ESRRG: variants seen among roughly 807,000 people sequenced by gnomAD.
ESRRG encodes the protein estrogen related receptor gamma.
In ESRRG, 13 loss-of-function variants were observed where a neutral mutation model predicts 44.0. The ratio of observed to expected loss-of-function variants is 0.30; its 90% CI spans 0.19 to 0.47. The LOEUF (loss-of-function observed/expected upper bound fraction) is 0.47, where lower values mean the gene tolerates loss of function less well. Among genes scored for constraint, ESRRG ranks in the 20% least tolerant of loss-of-function variants. ESRRG has a pLI of 1.00. For missense variants in ESRRG, 395 were observed against 580.6 expected (o/e 0.68, Z 3.29); for synonymous variants, 215 against 214.6 (o/e 1.00, Z -0.02).
chr1:216,913,097 G>A (rs535279429), intron 2 of ESRRG, among the ~76,000 whole-genome samples: 61 of 132,172 alleles, frequency 4.6e-4, no homozygotes, highest in African/African-American at 1.7e-3. Flanking sequence ...GCACTCCAGA[G>A]CGAGACTCTG....
chr1:217,083,333 C>T (rs1032987636), intron 1 of ESRRG, among the ~76,000 whole-genome samples: 15 of 152,132 alleles, frequency 9.9e-5, no homozygotes, highest in Non-Finnish European at 1.3e-4. Context: ...ATTTACTACT[C>T]GGTATACTAA....
chr1:216,810,505 T>A (rs988017858), intron 2 of ESRRG, among the ~76,000 whole-genome samples: 2 of 150,516 alleles, frequency 1.3e-5, no homozygotes, highest in Non-Finnish European at 3.0e-5. Context: ...TCAAAATATA[T>A]CTGATAAAAA....
At chr1:216,727,850 C>T (rs2087867355), upstream of ESRRG, among the ~76,000 whole-genome samples, 1 of 152,002 alleles carries the variant, frequency 6.6e-6, no homozygotes, top group African/African-American at 2.4e-5. Flanking sequence ...AACTGTCTCA[C>T]CGACATAACA....
intron 1 of ESRRG, among the ~76,000 whole-genome samples, chr1:216,690,540 T>C (rs1265034409): frequency 1.3e-5 from 2 of 152,152 alleles, no homozygotes; most frequent in Admixed American, 1.3e-4. Flanking sequence ...TTATGAATTA[T>C]ATGGGTCATA....
intron 1 of ESRRG, among the ~76,000 whole-genome samples, chr1:216,704,762 A>G (rs1031663030): frequency 1.3e-5 from 2 of 151,852 alleles, no homozygotes; most frequent in Non-Finnish European, 2.9e-5. Context: ...AAATTGGAGG[A>G]GTAGATTTTT....
At chr1:216,923,871 C>G (rs753986424) in intron 2 of ESRRG, among the ~76,000 whole-genome samples, 1 of 152,146 alleles carries the variant, frequency 6.6e-6, no homozygotes, top group African/African-American at 2.4e-5. Context: ...AAGATGCTCA[C>G]GGCAGTGACT....
At chr1:216,712,178 T>C (rs1165126608) in intron 1 of ESRRG, among the ~76,000 whole-genome samples, 1 of 152,198 alleles carries the variant, frequency 6.6e-6, no homozygotes, top group Non-Finnish European at 1.5e-5. Context: ...GGTAAACATT[T>C]CATGTGAAAT....
intron 3 of ESRRG, among the ~76,000 whole-genome samples, chr1:216,619,517 C>A (rs1390860560): frequency 1.3e-5 from 2 of 152,144 alleles, no homozygotes; most frequent in Non-Finnish European, 2.9e-5. Context: ...ATTCATATGG[C>A]AGCCGTAAGA....
intron 1 of ESRRG, among the ~76,000 whole-genome samples, chr1:216,970,909 G>A (rs1024782243): frequency 1.3e-5 from 2 of 152,152 alleles, no homozygotes; most frequent in African/African-American, 2.4e-5. Flanking sequence ...GTTTATTAAT[G>A]AGCCCCTTTT....
At chr1:216,707,502 C>T in intron 1 of ESRRG, 1 of 1,524,966 alleles carries the variant, frequency 6.6e-7, no homozygotes, top group Non-Finnish European at 8.8e-7. Flanking sequence ...AAGCCAAAAC[C>T]AGAAAGTTAG....
upstream of ESRRG, among the ~76,000 whole-genome samples, chr1:216,727,852 G>A (rs1208083657): frequency 6.6e-6 from 1 of 151,854 alleles, no homozygotes; most frequent in African/African-American, 2.4e-5. Context: ...CTGTCTCACC[G>A]ACATAACACA....
At chr1:217,058,527 A>C (rs1558144686) in intron 1 of ESRRG, among the ~76,000 whole-genome samples, 1 of 152,130 alleles carries the variant, frequency 6.6e-6, no homozygotes, top group Non-Finnish European at 1.5e-5. Flanking sequence ...ACTAACAGAG[A>C]GCAGAGTATC....
rs572756289 is a variant in ESRRG at position 216,899,477 on chromosome 1, A to T, written c.-14+40105T>A. Among the ~76,000 whole-genome samples, 4 of 152,302 alleles carry T rather than the reference A, an allele frequency of 2.6e-5. No homozygotes were observed. In the South Asian group the frequency reaches 6.2e-4, roughly 24 times the overall value. On this transcript the variant is annotated intron_variant, in intron 2 of 7. Transcript: ENST00000359162. ...GGTCGTCTGCTTAGGGCCACTGAAG[A>T]TGAGGAAGAGAAATACTTCATTTAT...
chr1:216,579,832 T>C lies in ESRRG; in HGVS notation c.590-11734A>G, dbSNP rs963092266. ...GGAGACTTCAAATGTCACTCCCTCA[T>C]GTAGAAGGAGGCAGAATTCCCCATG... On this transcript the variant is annotated intron_variant, in intron 3 of 6. Coordinates refer to ENST00000408911, the MANE Select transcript of ESRRG (RefSeq NM_001438.4). Among the ~76,000 whole-genome samples, 9 of 152,164 alleles carry C rather than the reference T, an allele frequency of 5.9e-5. 1 individual carries two copies. In the South Asian group the frequency reaches 1.7e-3, roughly 28 times the overall value.
chr1:216,555,295 C>G (rs1182548872), intron 5 of ESRRG, among the ~76,000 whole-genome samples: 1 of 152,176 alleles, frequency 6.6e-6, no homozygotes. Context: ...AAAGCCCTAT[C>G]CTTTAAAACA....
intron 5 of ESRRG, among the ~76,000 whole-genome samples, chr1:216,540,840 G>A (rs1446850416): frequency 6.6e-6 from 1 of 151,938 alleles, no homozygotes; most frequent in Non-Finnish European, 1.5e-5. Context: ...TGCTTGATTA[G>A]TATTTTTCAC....
chr1:216,946,858 C>A (rs751272399), intron 1 of ESRRG, among the ~76,000 whole-genome samples: 21 of 152,030 alleles, frequency 1.4e-4, no homozygotes, highest in Non-Finnish European at 2.5e-4. Context: ...TACCACCATG[C>A]CCAGCTAATT....
intron 2 of ESRRG, among the ~76,000 whole-genome samples, chr1:216,908,825 C>G (rs540882150): frequency 1.8e-5 from 2 of 112,108 alleles, no homozygotes; most frequent in Admixed American, 9.4e-5. Context: ...AGGGTACACA[C>G]TCCTAGAAAA....
chr1:216,889,158 G>A (rs751125661), intron 2 of ESRRG, among the ~76,000 whole-genome samples: 4 of 152,138 alleles, frequency 2.6e-5, no homozygotes, highest in African/African-American at 4.8e-5. Flanking sequence ...TGTAATAAGC[G>A]AAAGATTGCT....
Sources: gnomAD v4.1 joint callset for allele counts (sites outside exome capture counted in the v4.1 genomes callset) on GRCh38, gnomAD v4.1.1 for gene constraint, MANE v1.5 for transcripts, NCBI Gene and HGNC (gene_info 2026-07-23, HGNC 2026-07-21) for gene names.